DLGAP4: variants seen among roughly 807,000 people sequenced by gnomAD.
DLGAP4 encodes the protein disks large-associated protein 4.
DLGAP4 carries 18 observed loss-of-function variants against 86.9 expected under a neutral mutation model. The ratio of observed to expected loss-of-function variants is 0.21; its 90% confidence interval spans 0.14 to 0.31. The LOEUF is 0.31. Among genes scored for constraint, DLGAP4 ranks in the 10% least tolerant of loss-of-function variants. The pLI, the probability that DLGAP4 is intolerant of heterozygous loss-of-function variation, is 1.00. For synonymous variants in DLGAP4, 548 were observed against 574.3 expected (o/e 0.95, Z 0.65); for missense variants, 1,085 against 1,362.6 (o/e 0.80, Z 3.21).
At chr20:36,356,837 C>T (rs1336886126) in intron 1 of DLGAP4, among the ~76,000 whole-genome samples, 1 of 152,138 alleles carries the variant, frequency 6.6e-6, no homozygotes, top group Non-Finnish European at 1.5e-5. Flanking sequence ...TTCAGTATAT[C>T]CCCCAGTCAT....
At chr20:36,345,258 C>G in intron 1 of DLGAP4, among the ~76,000 whole-genome samples, 1 of 152,232 alleles carries the variant, frequency 6.6e-6, no homozygotes, top group East Asian at 1.9e-4. Flanking sequence ...CTGCAATTGG[C>G]TTCTGGAGGA....
chr20:36,490,654 C>A (rs1438411242), intron 7 of DLGAP4, among the ~76,000 whole-genome samples: 1 of 152,160 alleles, frequency 6.6e-6, no homozygotes, highest in Admixed American at 6.5e-5. Context: ...TTGTCTGTGG[C>A]CCCAGGGCAC....
At chr20:36,323,435 A>G (rs546609787) in intron 1 of DLGAP4, among the ~76,000 whole-genome samples, 1 of 152,246 alleles carries the variant, frequency 6.6e-6, no homozygotes, top group East Asian at 1.9e-4. Context: ...GTGTATTGGT[A>G]AGTTTTCTTT....
In DLGAP4 at chr20:36,436,225, C is replaced by T. The variant is rs576815498; in HGVS notation, c.1116C>T (p.Ala372=). ...RRMRSGSYIK[A]MGDEDSDESG... ...TGCGCAGCGGCAGCTACATCAAGGC[C>T]ATGGGCGACGAGGACAGCGACGAGT... The change falls in exon 4 of 13, where the codon GCC becomes GCT. Residue 372 remains alanine, a synonymous_variant. Coordinates refer to ENST00000339266, the MANE Select transcript of DLGAP4 (RefSeq NM_001365621.2). The T allele has an allele frequency of 6.2e-7, 1 of 1,605,444 alleles. No homozygotes were observed. Among genetic ancestry groups the T allele is most frequent in the South Asian group, 1.1e-5 (1 of 90,912 alleles).
intron 2 of DLGAP4, among the ~76,000 whole-genome samples, chr20:36,420,202 CTA>C (rs1267145188): frequency 6.6e-6 from 1 of 152,212 alleles, no homozygotes; most frequent in African/African-American, 2.4e-5. Context: ...TGAACACCTA[CTA>C]TATCCAAGCC....
intron 10 of DLGAP4, among the ~76,000 whole-genome samples, chr20:36,512,931 C>CCTTTTT (rs2036795196): frequency 1.3e-4 from 3 of 23,530 alleles, no homozygotes; most frequent in Admixed American, 5.2e-4. Context: ...CTCAGAGGCC[C>CCTTTTT]TTTTTTTTTT....
chr20:36,476,997 C>T (rs1023136830), intron 7 of DLGAP4, among the ~76,000 whole-genome samples: 2 of 151,584 alleles, frequency 1.3e-5, no homozygotes, highest in African/African-American at 4.8e-5. Flanking sequence ...CCAGCCCTCT[C>T]TGGCCCATTT....
rs545492673 is a variant in DLGAP4, at chr20:36,306,758, A to T, written c.-304+246A>T. Among the ~76,000 whole-genome samples the T allele has an allele frequency of 2.4e-4, 36 of 151,476 alleles. No homozygotes were observed. Among genetic ancestry groups the T allele is most frequent in the Admixed American group, 1.4e-3 (21 of 15,242 alleles). On this transcript the variant is annotated intron_variant, in intron 1 of 12. Coordinates refer to ENST00000339266, the MANE Select transcript of DLGAP4 (RefSeq NM_001365621.2). This position sits in a 1 kb window ranked among gnomAD's most constrained non-coding sequence, Gnocchi z 4.9. Reference sequence around the variant, plus strand: ...GATCGCCCCATCCATGTCTCCCCGGACCCTCAAATCGGGGGCGGCGGCACC... The same window carrying T: ...GATCGCCCCATCCATGTCTCCCCGGTCCCTCAAATCGGGGGCGGCGGCACC...
chr20:36,524,410 C>G (rs939915142), intron 11 of DLGAP4, 69 bp downstream of exon 11: 1 of 1,358,222 alleles, frequency 7.4e-7, no homozygotes, highest in Admixed American at 2.0e-5. Context: ...CTCTGCCAGC[C>G]CCTCGAAGCC....
At chr20:36,362,000 G>C (rs1396598451) in intron 1 of DLGAP4, among the ~76,000 whole-genome samples, 1 of 135,062 alleles carries the variant, frequency 7.4e-6, no homozygotes. Flanking sequence ...AAAAAAAAAA[G>C]ATAGGACATT....
At chr20:36,336,851 C>T (rs547245430) in intron 1 of DLGAP4, among the ~76,000 whole-genome samples, 1 of 152,350 alleles carries the variant, frequency 6.6e-6, no homozygotes, top group South Asian at 2.1e-4. Context: ...AGACAGCCAG[C>T]CCCCTTCTCC....
At chr20:36,425,784 G>T (rs1600512892) in intron 2 of DLGAP4, among the ~76,000 whole-genome samples, 2 of 152,186 alleles carry the variant, frequency 1.3e-5, no homozygotes, top group East Asian at 3.8e-4. Flanking sequence ...TCATGCCATT[G>T]CACTCCAGCC....
At chr20:36,485,609 A>G (rs2035377605) in intron 7 of DLGAP4, among the ~76,000 whole-genome samples, 1 of 152,092 alleles carries the variant, frequency 6.6e-6, no homozygotes, top group Admixed American at 6.6e-5. Flanking sequence ...CATGGCCAGC[A>G]TTGATTTTAG....
intron 10 of DLGAP4, 99 bp from the exon 11 acceptor site, chr20:36,524,151 C>G (rs1600721676): frequency 1.1e-6 from 1 of 897,664 alleles, no homozygotes; most frequent in East Asian, 2.4e-5. Flanking sequence ...ATAATGAGTT[C>G]TACCCTAAGG....
rs778205066 is a variant in DLGAP4 at position 36,499,602 on chromosome 20, G to C, written c.2025G>C (p.Gln675His). Reference protein sequence around the residue: ...SSIGIQVDCIQPVPKEEPSPA... With the variant: ...SSIGIQVDCIHPVPKEEPSPA... ...CCTTCAATAAGGTTGACTGCATTCAGCCAGTGCCAAAAGAGGAGCCCAGTC... is the reference window on the plus strand; with the variant it reads ...CCTTCAATAAGGTTGACTGCATTCACCCAGTGCCAAAAGAGGAGCCCAGTC... Residue 675 changes from glutamine (Q) to histidine (H), a missense_variant, in exon 9 of 13, where the codon CAG becomes CAC. Gln to His is a conservative substitution (Grantham distance 24, BLOSUM62 0). This residue lies in a region of DLGAP4 where 1,082 missense variants were observed against 1,344.1 expected (regional missense o/e 0.81). Transcript: ENST00000339266. 1 of 1,613,908 alleles carries C rather than the reference G, an allele frequency of 6.2e-7. No individual in the cohort carries two copies. Among genetic ancestry groups the C allele is most frequent in the South Asian group, 1.1e-5 (1 of 91,030 alleles).
At chr20:36,508,127 T>G (rs2036483586) in intron 10 of DLGAP4, 1 of 152,162 alleles carries the variant, frequency 6.6e-6, no homozygotes, top group Admixed American at 6.5e-5. Flanking sequence ...AAGGCGGGGC[T>G]TCAGGTTGAA....
At chr20:36,384,713 C>T (rs1341362548) in intron 2 of DLGAP4, among the ~76,000 whole-genome samples, 2 of 152,280 alleles carry the variant, frequency 1.3e-5, no homozygotes, top group East Asian at 1.9e-4. Context: ...AATGCAGATA[C>T]TCTTGGAACC....
In DLGAP4 at chr20:36,380,246, C is replaced by CAAA. The variant is rs869027808; in HGVS notation, c.-73+12984_-73+12986dup. On this transcript the variant is annotated intron_variant, in intron 2 of 12. Transcript: ENST00000339266. ...CAAAACCCCACCTCTACAAAAAATA[C>CAAA]AAAAAAAAAAAAAAATAACCAGGTG... Among the ~76,000 whole-genome samples, 228 of 124,508 alleles carry CAAA rather than the reference C, an allele frequency of 1.8e-3. 2 individuals are homozygous for CAAA. Among genetic ancestry groups the CAAA allele is most frequent in the African/African-American group, 6.3e-3 (219 of 34,686 alleles). The allele number at this position is 124,508 out of a possible 152,430, so 81.7% of individuals were successfully genotyped here.
chr20:36,415,237 C>T (rs886651593), intron 2 of DLGAP4, among the ~76,000 whole-genome samples: 3 of 152,206 alleles, frequency 2.0e-5, no homozygotes, highest in Admixed American at 6.5e-5. Context: ...TGCACTCCAA[C>T]CTGGGTGACA....
Sources: gnomAD v4.1 joint callset for allele counts (sites outside exome capture counted in the v4.1 genomes callset) on GRCh38, gnomAD v4.1.1 for gene constraint, gnomAD v4.1.1 regional missense constraint, Gnocchi (gnomAD v3.1) non-coding constraint, MANE v1.5 for transcripts, NCBI Gene and HGNC (gene_info 2026-07-23, HGNC 2026-07-21) for gene names.